Variants in CNOT10 observed in about 807,000 individuals in gnomAD.
The protein encoded by CNOT10 is CCR4-NOT transcription complex, subunit 10.
In CNOT10, 30 loss-of-function variants were observed where a neutral mutation model predicts 94.6. The ratio of observed to expected loss-of-function variants is 0.32; its 90% confidence interval spans 0.24 to 0.43. CNOT10 has a LOEUF of 0.43. Among genes scored for constraint, CNOT10 ranks in the 20% least tolerant of loss-of-function variants. The probability of loss-of-function intolerance (pLI) is 1.00; values close to 1 mark genes in which losing one functional copy is unlikely to be tolerated. For synonymous variants in CNOT10, 289 were observed against 301.6 expected (o/e 0.96, Z 0.43); for missense variants, 759 against 877.2 (o/e 0.87, Z 1.70).
chr3:32,758,302 A>G (rs1227752324), intron 13 of CNOT10, among the ~76,000 whole-genome samples: 2 of 152,130 alleles, frequency 1.3e-5, no homozygotes, highest in African/African-American at 2.4e-5. Context: ...GGACCACTCT[A>G]CTTTTCTGTG....
chr3:32,759,661 C>G, intron 14 of CNOT10, 90 bp downstream of exon 14: 1 of 840,158 alleles, frequency 1.2e-6, no homozygotes, highest in Admixed American at 2.1e-5. Flanking sequence ...TTTGACTCCT[C>G]CAGTGGAATA....
At chr3:32,700,187 G>A (rs1697272053) in intron 1 of CNOT10, among the ~76,000 whole-genome samples, 1 of 151,996 alleles carries the variant, frequency 6.6e-6, no homozygotes, top group Admixed American at 6.6e-5. Context: ...TGTTGTCCAG[G>A]CTGGTCTTGA....
At chr3:32,768,301 G>T (rs1700735932) in intron 17 of CNOT10, among the ~76,000 whole-genome samples, 1 of 152,124 alleles carries the variant, frequency 6.6e-6, no homozygotes, top group East Asian at 1.9e-4. Context: ...CACAAAATGG[G>T]CCGGGCACAG....
intron 5 of CNOT10, among the ~76,000 whole-genome samples, chr3:32,714,053 A>G (rs1698008134): frequency 6.6e-6 from 1 of 152,146 alleles, no homozygotes; most frequent in Non-Finnish European, 1.5e-5. Flanking sequence ...TCACTGGGTT[A>G]TATGGTATCT....
intron 1 of CNOT10, among the ~76,000 whole-genome samples, chr3:32,687,452 G>GTTTT (rs56091219): frequency 1.3e-4 from 8 of 60,426 alleles, no homozygotes; most frequent in South Asian, 9.1e-4. Flanking sequence ...TTTTTTTTTT[G>GTTTT]TTTTTTTTTT....
chr3:32,764,728 C>T lies in CNOT10; in HGVS notation c.1923C>T (p.Ala641=). The change falls in exon 17 of 19, where the codon GCC becomes GCT. Residue 641 remains alanine (A), a synonymous_variant. Transcript: ENST00000328834. ...GCTACCCCAGTTCCGTCAACTCTGC[C>T]AGGACTGTGATGCTGTTCAACCTTG... The part of the protein sequence containing the change: ...PQCYPSSVNS[A]RTVMLFNLGS... 6.2e-7 allele frequency: 1 copy of T among 1,614,130 alleles called. No individual in the cohort carries two copies. Among genetic ancestry groups the T allele is most frequent in the Non-Finnish European group, 8.5e-7 (1 of 1,180,018 alleles).
Position 32,766,098 on chromosome 3 carries a change from C to T in CNOT10, c.2004+1289C>T, listed in dbSNP as rs569022305. 1.9e-3 allele frequency among the ~76,000 whole-genome samples: 83 copies of T among 44,720 alleles called. 34 individuals carry two copies. Among genetic ancestry groups the T allele is most frequent in the Admixed American group, 5.0e-3 (16 of 3,212 alleles). 29.3% of individuals were successfully genotyped at this position (44,720 alleles called of 152,430 possible). On this transcript the variant is annotated intron_variant, in intron 17 of 18. Transcript: ENST00000328834. ...TCGGCTCACTGCAACCTCCGCCTCC[C>T]GGGTTCAAACACTTCTCCTGCGTCA... is the stretch of plus-strand genomic sequence containing the variant.
intron 13 of CNOT10, among the ~76,000 whole-genome samples, chr3:32,740,820 C>T (rs1022313019): frequency 4.6e-5 from 7 of 151,042 alleles, no homozygotes; most frequent in African/African-American, 1.7e-4. Flanking sequence ...CGAGATCGCA[C>T]CACTGCACTC....
At chr3:32,721,060 C>CTT (rs377750318) in intron 8 of CNOT10, among the ~76,000 whole-genome samples, 5,642 of 97,690 alleles carry the variant, frequency 0.058, 341 homozygotes, top group Non-Finnish European at 0.071. Flanking sequence ...TCTTTCCTTT[C>CTT]TTTTTTTTTT....
intron 13 of CNOT10, among the ~76,000 whole-genome samples, chr3:32,755,472 C>T (rs1700190965): frequency 6.6e-6 from 1 of 151,684 alleles, no homozygotes. Flanking sequence ...GCATGTGCCA[C>T]CACGCCTGTG....
At chr3:32,745,473 A>AAAAC (rs1553636248) in intron 13 of CNOT10, among the ~76,000 whole-genome samples, 1 of 152,104 alleles carries the variant, frequency 6.6e-6, no homozygotes, top group Non-Finnish European at 1.5e-5. Flanking sequence ...TTAAGGATTG[A>AAAAC]ATAAACATTC....
intron 5 of CNOT10, among the ~76,000 whole-genome samples, chr3:32,713,756 T>C (rs562614055): frequency 6.6e-6 from 1 of 152,372 alleles, no homozygotes; most frequent in African/African-American, 2.4e-5. Flanking sequence ...AATATGCGGC[T>C]ATTTGTCACT....
chr3:32,742,797 T>C (rs1042005405), intron 13 of CNOT10, among the ~76,000 whole-genome samples: 1 of 152,244 alleles, frequency 6.6e-6, no homozygotes, highest in Non-Finnish European at 1.5e-5. Flanking sequence ...TTTGTGGATA[T>C]GATCTAATTT....
At chr3:32,756,830 C>T (rs1700242180) in intron 13 of CNOT10, among the ~76,000 whole-genome samples, 1 of 152,040 alleles carries the variant, frequency 6.6e-6, no homozygotes, top group African/African-American at 2.4e-5. Context: ...GATATCGGGC[C>T]GGGTGCAGTG....
chr3:32,718,692 G>A (rs1698238434), intron 7 of CNOT10, among the ~76,000 whole-genome samples: 1 of 151,898 alleles, frequency 6.6e-6, no homozygotes, highest in Admixed American at 6.6e-5. Context: ...GAAAACTTCA[G>A]GAGGAATAGC....
chr3:32,749,992 G>T (rs1224399023), intron 13 of CNOT10, among the ~76,000 whole-genome samples: 2 of 152,106 alleles, frequency 1.3e-5, no homozygotes, highest in Non-Finnish European at 2.9e-5. Flanking sequence ...TAAAGTGGGA[G>T]GATCCCTTGA....
intron 1 of CNOT10, among the ~76,000 whole-genome samples, chr3:32,693,733 G>A (rs564805035): frequency 5.4e-4 from 82 of 151,970 alleles, no homozygotes; most frequent in Non-Finnish European, 1.0e-3. Context: ...GTAGAGATGA[G>A]GTTTCGTCAT....
intron 13 of CNOT10, among the ~76,000 whole-genome samples, chr3:32,737,910 A>G (rs1699267269): frequency 6.6e-6 from 1 of 152,042 alleles, no homozygotes; most frequent in Non-Finnish European, 1.5e-5. Flanking sequence ...GATAAACCCT[A>G]CTTGGTCAGA....
intron 8 of CNOT10, among the ~76,000 whole-genome samples, chr3:32,721,912 A>T (rs1458924049): frequency 6.6e-6 from 1 of 151,744 alleles, no homozygotes; most frequent in Admixed American, 6.6e-5. Context: ...TCGGCCTCCC[A>T]AAGTGCTGGG....
Sources: allele counts gnomAD v4.1 joint callset (sites outside exome capture counted in the v4.1 genomes callset), GRCh38; gene constraint gnomAD v4.1.1; transcripts MANE v1.5; gene names NCBI Gene and HGNC (gene_info 2026-07-23, HGNC 2026-07-21).